Variants in FRMPD4 observed in about 807,000 individuals in gnomAD.
FRMPD4 encodes the protein FERM and PDZ domain-containing protein 4.
A neutral mutation model predicts 94.1 loss-of-function variants in FRMPD4; 22 were observed. The observed-to-expected ratio is 0.23, with a 90% CI of 0.17 to 0.33. FRMPD4 has a LOEUF of 0.33. Ranked by LOEUF, FRMPD4 falls within the 10% of genes least tolerant of loss-of-function variation. The pLI is 1.00. For missense variants in FRMPD4, 1,111 were observed against 1,339.9 expected (o/e 0.83, Z 2.67); for synonymous variants, 631 against 548.6 (o/e 1.15, Z -2.10).
intron 1 of FRMPD4, among the ~76,000 whole-genome samples, chrX:12,297,667 G>A (rs1256417685): frequency 1.8e-5 from 2 of 111,980 alleles, no homozygotes; most frequent in African/African-American, 6.5e-5. Context: ...GAAGAGAACA[G>A]AATTGTGGGT....
intron 2 of FRMPD4, among the ~76,000 whole-genome samples, chrX:12,560,492 A>C (rs964330794): frequency 3.1e-5 from 3 of 97,887 alleles, no homozygotes; most frequent in South Asian, 8.8e-4. Context: ...AAAAAAAAAA[A>C]AAAAAACCCA....
chrX:12,203,311 G>T (rs929590461), intron 1 of FRMPD4, among the ~76,000 whole-genome samples: 1 of 112,038 alleles, frequency 8.9e-6, no homozygotes, highest in African/African-American at 3.2e-5. Context: ...TTGGTATCAA[G>T]AACTCAGAAA....
At chrX:12,493,391 GTTTTA>G (rs759714648) in intron 1 of FRMPD4, among the ~76,000 whole-genome samples, 7 of 111,463 alleles carry the variant, frequency 6.3e-5, no homozygotes, top group African/African-American at 9.7e-5. Flanking sequence ...TCTGGATCGT[GTTTTA>G]TTTTGTTAGA....
chrX:12,247,849 G>A, intron 1 of FRMPD4, among the ~76,000 whole-genome samples: 1 of 110,447 alleles, frequency 9.1e-6, no homozygotes, highest in Non-Finnish European at 1.9e-5. Flanking sequence ...GAGACTCAGG[G>A]AGATTAAATA....
upstream of FRMPD4, among the ~76,000 whole-genome samples, chrX:12,137,407 ATTTC>A (rs1244743559): frequency 1.8e-5 from 2 of 112,379 alleles, no homozygotes; most frequent in East Asian, 2.8e-4. Flanking sequence ...CTTTAAACCT[ATTTC>A]TTTCTTAATC....
At chrX:12,256,733 C>T (rs778777160) in intron 1 of FRMPD4, among the ~76,000 whole-genome samples, 2 of 111,797 alleles carry the variant, frequency 1.8e-5, no homozygotes, top group South Asian at 7.5e-4. Flanking sequence ...AGGTAAAAAT[C>T]CAGAGGACCC....
intron 2 of FRMPD4, among the ~76,000 whole-genome samples, chrX:12,596,777 T>C (rs1007608296): frequency 9.0e-6 from 1 of 111,449 alleles, no homozygotes; most frequent in Non-Finnish European, 1.9e-5. Context: ...AATGTGGTCA[T>C]ACCATTTATT....
chrX:12,534,465 C>G (rs894958754), intron 2 of FRMPD4, among the ~76,000 whole-genome samples: 3 of 112,174 alleles, frequency 2.7e-5, no homozygotes, highest in Non-Finnish European at 1.9e-5. Flanking sequence ...CCACTGACAG[C>G]TTGCACCATG....
chrX:12,581,382 T>G (rs1206122492), intron 2 of FRMPD4, among the ~76,000 whole-genome samples: 1 of 111,680 alleles, frequency 9.0e-6, no homozygotes, highest in Admixed American at 9.5e-5. Flanking sequence ...GTGTAATAAA[T>G]GAAAAGATAG....
intron 1 of FRMPD4, among the ~76,000 whole-genome samples, chrX:12,258,070 G>A (rs5935284): frequency 0.48 from 51,622 of 108,540 alleles, 8,922 homozygotes; most frequent in African/African-American, 0.54. Flanking sequence ...TCCCCACCAA[G>A]AAAATCCTCC....
chrX:12,716,001 T>TGGGGGCCC, intron 14 of FRMPD4, 68 bp from the exon 15 acceptor site: 2 of 231,648 alleles, frequency 8.6e-6, no homozygotes, highest in Non-Finnish European at 1.6e-5. Flanking sequence ...GAGACGAGCC[T>TGGGGGCCC]CCCACCCCCG....
chrX:12,370,125 G>A, intron 1 of FRMPD4, among the ~76,000 whole-genome samples: 1 of 111,066 alleles, frequency 9.0e-6, no homozygotes, highest in Non-Finnish European at 1.9e-5. Flanking sequence ...AATTCACAAA[G>A]AAAGAGAATG....
intron 1 of FRMPD4, among the ~76,000 whole-genome samples, chrX:12,330,113 G>A (rs1481996591): frequency 1.8e-5 from 2 of 111,346 alleles, no homozygotes; most frequent in Middle Eastern, 4.6e-3. Flanking sequence ...CTGGAACTTA[G>A]TAAATATTCA....
chrX:12,300,514 G>T (rs4478759), intron 1 of FRMPD4, among the ~76,000 whole-genome samples: 9,938 of 111,891 alleles, frequency 0.089, 1,068 homozygotes, highest in African/African-American at 0.31. Flanking sequence ...TTTCCACTTG[G>T]AAAGTGACAT....
At chrX:12,549,371 T>G (rs2058510608) in intron 2 of FRMPD4, among the ~76,000 whole-genome samples, 1 of 112,362 alleles carries the variant, frequency 8.9e-6, no homozygotes, top group Non-Finnish European at 1.9e-5. Flanking sequence ...TCCTAAAATG[T>G]GCACACTCAA....
At chrX:12,654,977 A>G (rs1322320034) in intron 4 of FRMPD4, among the ~76,000 whole-genome samples, 9 of 112,514 alleles carry the variant, frequency 8.0e-5, no homozygotes, top group Non-Finnish European at 3.8e-5. Context: ...TTTCCAAATA[A>G]GAATGACATT....
At chrX:12,415,208 T>C (rs1019420807) in intron 1 of FRMPD4, among the ~76,000 whole-genome samples, 4 of 112,052 alleles carry the variant, frequency 3.6e-5, no homozygotes, top group African/African-American at 1.3e-4. Context: ...CCCTTTGGAA[T>C]CATCGTGGAG....
chrX:12,704,609 G>A (rs2041843651), intron 11 of FRMPD4, 124 bp downstream of exon 11: 1 of 442,353 alleles, frequency 2.3e-6, no homozygotes, highest in Non-Finnish European at 3.8e-6. Flanking sequence ...GTAACACTGT[G>A]TAACTTTTTT....
intron 5 of FRMPD4, among the ~76,000 whole-genome samples, chrX:12,681,558 T>C (rs1175096402): frequency 9.0e-6 from 1 of 111,252 alleles, no homozygotes; most frequent in Non-Finnish European, 1.9e-5. Flanking sequence ...AATGGATGAA[T>C]TCAAGCTCTG....
Sources: allele counts gnomAD v4.1 joint callset (sites outside exome capture counted in the v4.1 genomes callset), GRCh38; gene constraint gnomAD v4.1.1; transcripts MANE v1.5; gene names NCBI Gene and HGNC (gene_info 2026-07-23, HGNC 2026-07-21).